PCDHGA6: variants seen among roughly 807,000 people sequenced by gnomAD.
PCDHGA6 encodes protocadherin gamma-A6.
A neutral mutation model predicts 60.6 loss-of-function variants in PCDHGA6; 41 were observed. The observed-to-expected ratio is 0.68, with a 90% confidence interval of 0.53 to 0.88. PCDHGA6 has a LOEUF of 0.88. Among genes scored for constraint, PCDHGA6 ranks in the 40% least tolerant of loss-of-function variants. The probability of loss-of-function intolerance (pLI) is 0.00; values close to 1 mark genes in which losing one functional copy is unlikely to be tolerated. For synonymous variants in PCDHGA6, 594 were observed against 524.4 expected, an observed-to-expected ratio of 1.13 and a Z score of -1.81; for missense variants, 1,312 against 1,203.0, an observed-to-expected ratio of 1.09 and a Z score of -1.34.
intron 1 of PCDHGA6, chr5:141,385,293 G>A: frequency 6.2e-7 from 1 of 1,613,166 alleles, no homozygotes; most frequent in Non-Finnish European, 8.5e-7. Flanking sequence ...TAGATTTTCA[G>A]GAATGTAAAG....
At chr5:141,427,963 T>C (rs1289642441) in intron 1 of PCDHGA6, 1 of 1,589,380 alleles carries the variant, frequency 6.3e-7, no homozygotes, top group East Asian at 2.2e-5. Flanking sequence ...GTGCCGCGGG[T>C]GCTGTACCCC....
intron 2 of PCDHGA6, among the ~76,000 whole-genome samples, chr5:141,500,901 G>A (rs984072329): frequency 7.6e-5 from 11 of 144,582 alleles, no homozygotes; most frequent in African/African-American, 2.6e-4. Flanking sequence ...AGACAGTCTC[G>A]CTCTGTCTCC....
At chr5:141,428,041 TG>T (rs1260865435) in intron 1 of PCDHGA6, 1 of 1,608,448 alleles carries the variant, frequency 6.2e-7, no homozygotes, top group African/African-American at 1.3e-5. Flanking sequence ...GGCTACCTGG[TG>T]ACCAAGGTGG....
chr5:141,464,907 T>A lies in PCDHGA6; in HGVS notation c.2425-29900T>A, dbSNP rs187725683. On this transcript the variant is annotated intron_variant, in intron 1 of 3. Transcript: ENST00000517434. ...ATGGATGCCACCATGTCCAGCTAAT[T>A]TTTTTATTTTTTTGTAGAGATGTGA... 4.5e-3 allele frequency among the ~76,000 whole-genome samples: 687 copies of A among 152,148 alleles called. 4 individuals are homozygous for A. Among genetic ancestry groups the A allele is most frequent in the African/African-American group, 0.015 (630 of 41,510 alleles).
chr5:141,383,272 G>C (rs369691483), intron 1 of PCDHGA6: 1 of 1,613,802 alleles, frequency 6.2e-7, no homozygotes, highest in Non-Finnish European at 8.5e-7. Flanking sequence ...GGAAATAATA[G>C]ATATTAATGA....
chr5:141,438,581 TAC>T (rs2097976954), intron 1 of PCDHGA6, among the ~76,000 whole-genome samples: 6 of 49,834 alleles, frequency 1.2e-4, no homozygotes, highest in African/African-American at 7.2e-4. Flanking sequence ...TATACATACA[TAC>T]ATACATACAT....
In PCDHGA6 at chr5:141,374,698, A is replaced by G; in HGVS notation, c.615A>G (p.Glu205=). The part of the protein sequence containing the change: ...VLEGTLDREG[E]AVYRLVLTAM... Reference sequence around the variant, plus strand: ...AGGGCACACTGGACCGGGAAGGAGAAGCCGTTTACCGCCTGGTCCTTACTG... The same window carrying G: ...AGGGCACACTGGACCGGGAAGGAGAGGCCGTTTACCGCCTGGTCCTTACTG... Residue 205 remains glutamate, a synonymous_variant, in exon 1 of 4, where the codon GAA becomes GAG. Coordinates refer to ENST00000517434, the MANE Select transcript of PCDHGA6 (RefSeq NM_018919.3). 6.2e-7 allele frequency: 1 copy of G among 1,609,364 alleles called. No individual in the cohort carries two copies. The highest frequency in any genetic ancestry group is 8.5e-7 in the Non-Finnish European group (1 of 1,177,634).
intron 1 of PCDHGA6, among the ~76,000 whole-genome samples, chr5:141,463,896 T>C (rs982611169): frequency 2.0e-5 from 3 of 152,192 alleles, no homozygotes; most frequent in African/African-American, 7.2e-5. Flanking sequence ...CCTTGCTTTT[T>C]GTACTAATAA....
At chr5:141,492,527 G>A (rs1000672383) in intron 1 of PCDHGA6, among the ~76,000 whole-genome samples, 1 of 152,184 alleles carries the variant, frequency 6.6e-6, no homozygotes, top group African/African-American at 2.4e-5. Flanking sequence ...TCTCCCACCT[G>A]CGCCCCGGGC....
At position 141,491,700 on chromosome 5, in the gene PCDHGA6, G is replaced by A. The variant is rs1199177466; in HGVS notation, c.2425-3107G>A. 3.1e-6 allele frequency: 5 copies of A among 1,611,830 alleles called. No homozygotes were observed. The highest frequency in any genetic ancestry group is 4.2e-6 in the Non-Finnish European group (5 of 1,179,142). On this transcript the variant is annotated intron_variant, in intron 1 of 3. Coordinates refer to ENST00000517434, the MANE Select transcript of PCDHGA6 (RefSeq NM_018919.3). The surrounding 1 kb of genome is among the most constrained non-coding windows in gnomAD (Gnocchi z 6.9). ...CTAATACGCTGCGGGAGCGGAGCCA[G>A]GTGAGGGGCTCGGCGCCGCCCCGGG...
chr5:141,410,101 C>T, intron 1 of PCDHGA6: 1 of 1,612,490 alleles, frequency 6.2e-7, no homozygotes, highest in African/African-American at 1.3e-5. Flanking sequence ...GAGCCTTAGG[C>T]GACAGGGACG....
intron 3 of PCDHGA6, among the ~76,000 whole-genome samples, chr5:141,506,417 A>C (rs1326078146): frequency 6.8e-6 from 1 of 147,658 alleles, no homozygotes; most frequent in Non-Finnish European, 1.5e-5. Context: ...ACTGCACTCC[A>C]GCCTGGGCAA....
At chr5:141,422,044 G>A (rs780284162) in intron 1 of PCDHGA6, 1 of 1,611,530 alleles carries the variant, frequency 6.2e-7, no homozygotes, top group Non-Finnish European at 8.5e-7. Flanking sequence ...TCCAGACGAG[G>A]GAATCAACGG....
chr5:141,466,819 C>A (rs2099130454), intron 1 of PCDHGA6, among the ~76,000 whole-genome samples: 1 of 152,068 alleles, frequency 6.6e-6, no homozygotes, highest in Non-Finnish European at 1.5e-5. Context: ...CATGGTATAA[C>A]AAGTTAGTAT....
Position 141,432,427 on chromosome 5 carries a change from C to T in PCDHGA6, c.2424+55920C>T, listed in dbSNP as rs775150918. 2.2e-5 allele frequency: 36 copies of T among 1,614,124 alleles called. No homozygotes were observed. The highest frequency in any genetic ancestry group is 3.1e-5 in the Non-Finnish European group (36 of 1,180,044). ...TGAGCCTGTTCGTGCTGGACCAGAA[C>T]GACAATGCGCCCGAGATCCTGTACC... On this transcript the variant is annotated intron_variant, in intron 1 of 3. Transcript: ENST00000517434. This position sits in a 1 kb window ranked among gnomAD's most constrained non-coding sequence, Gnocchi z 6.0.
Position 141,374,476 on chromosome 5 carries a change from C to A in PCDHGA6, c.393C>A (p.Pro131=). 3 of 1,612,124 alleles carry A rather than the reference C, an allele frequency of 1.9e-6. No homozygotes were observed. Among genetic ancestry groups the A allele is most frequent in the Non-Finnish European group, 1.7e-6 (2 of 1,178,286 alleles). ...VEIVDINDNT[P]RFLKEELEVK... ...TAGTGGACATTAATGACAATACACC[C>A]CGATTCTTAAAGGAAGAATTGGAAG... The change falls in exon 1 of 4, where the codon CCC becomes CCA. Residue 131 remains proline (P), a synonymous_variant. Coordinates refer to ENST00000517434, the MANE Select transcript of PCDHGA6 (RefSeq NM_018919.3).
intron 1 of PCDHGA6, among the ~76,000 whole-genome samples, chr5:141,381,960 G>A (rs1283229818): frequency 6.6e-6 from 1 of 150,482 alleles, no homozygotes; most frequent in East Asian, 2.0e-4. Flanking sequence ...CTCCTGAGTA[G>A]CTGGGATTAC....
intron 2 of PCDHGA6, among the ~76,000 whole-genome samples, chr5:141,497,540 C>A (rs866982821): frequency 7.4e-6 from 1 of 134,944 alleles, no homozygotes; most frequent in African/African-American, 2.8e-5. Context: ...TGCAACAAAC[C>A]TTTTTTTTTT....
At chr5:141,383,892 A>C (rs775731680) in intron 1 of PCDHGA6, 120 of 1,613,900 alleles carry the variant, frequency 7.4e-5, no homozygotes, top group Non-Finnish European at 9.4e-5. Flanking sequence ...TGACAAAGGC[A>C]AAAGTACTGA....
Sources: gnomAD v4.1 joint callset for allele counts (sites outside exome capture counted in the v4.1 genomes callset) on GRCh38, gnomAD v4.1.1 for gene constraint, Gnocchi (gnomAD v3.1) non-coding constraint, MANE v1.5 for transcripts, NCBI Gene and HGNC (gene_info 2026-07-23, HGNC 2026-07-21) for gene names.